Variants in EXOC2 observed in about 807,000 individuals in gnomAD.
EXOC2 encodes the protein exocyst complex component 2.
Under a neutral mutation model 131.8 loss-of-function variants are expected in EXOC2, and 70 were observed. That is an observed-to-expected ratio of 0.53 (90% CI 0.44 to 0.65). The LOEUF (loss-of-function observed/expected upper bound fraction) is 0.65. Among genes scored for constraint, EXOC2 ranks in the 30% least tolerant of loss-of-function variants. The probability of loss-of-function intolerance (pLI) is 0.00; values close to 1 mark genes in which losing one functional copy is unlikely to be tolerated. For synonymous variants in EXOC2, 411 were observed against 398.4 expected (o/e 1.03, Z -0.38); for missense variants, 923 against 1,108.6 (o/e 0.83, Z 2.38).
intron 2 of EXOC2, among the ~76,000 whole-genome samples, chr6:634,621 T>C (rs1379966543): frequency 3.3e-5 from 5 of 152,240 alleles, no homozygotes; most frequent in African/African-American, 4.8e-5. Context: ...TAAAGATACA[T>C]TGCTTGAAAT....
chr6:632,793 C>A, intron 3 of EXOC2, 148 bp downstream of exon 3: 1 of 791,880 alleles, frequency 1.3e-6, no homozygotes. Context: ...TATTAACCAA[C>A]ATCCCAATCC....
intron 23 of EXOC2, among the ~76,000 whole-genome samples, chr6:511,870 C>G (rs779442490): frequency 6.6e-6 from 1 of 152,214 alleles, no homozygotes; most frequent in African/African-American, 2.4e-5. Context: ...TCTGTTCTCC[C>G]GTCTTCAGTA....
Position 532,939 on chromosome 6 carries a change from G to A in EXOC2, c.2239-329C>T, listed in dbSNP as rs2127541404. Among the ~76,000 whole-genome samples the A allele has an allele frequency of 2.0e-5, 3 of 152,266 alleles. No individual in the cohort carries two copies. The South Asian group carries it at 6.2e-4, about 32-fold the overall frequency. On this transcript the variant is annotated intron_variant, in intron 22 of 27. Transcript: ENST00000230449. ...TTATGCATGGCTGGGGAGCCCTCAG[G>A]AAACTTACAGTCTTGGTGGAAGGCA...
At chr6:692,827 G>GCGGGGATGGGGGCT (rs1765005738) in intron 1 of EXOC2, among the ~76,000 whole-genome samples, 192 bp downstream of exon 1, 19 of 144,858 alleles carry the variant, frequency 1.3e-4, no homozygotes, top group Non-Finnish European at 1.4e-4. Flanking sequence ...GGCGGCTGAC[G>GCGGGGATGGGGGCT]GCGGGGATGG....
intron 12 of EXOC2, among the ~76,000 whole-genome samples, chr6:575,315 T>A (rs939856311): frequency 6.6e-6 from 1 of 152,248 alleles, no homozygotes; most frequent in African/African-American, 2.4e-5. Flanking sequence ...TATTTTGTTT[T>A]CACACTGAAA....
At chr6:690,407 G>A (rs756106040) in intron 1 of EXOC2, among the ~76,000 whole-genome samples, 5 of 152,108 alleles carry the variant, frequency 3.3e-5, no homozygotes, top group South Asian at 4.1e-4. Flanking sequence ...GTCACCCATC[G>A]CTTTAAGATT....
Position 564,592 on chromosome 6 carries a change from C to T in EXOC2, c.1620G>A (p.Lys540=). The change falls in exon 15 of 28, where the codon AAG becomes AAA. Residue 540 remains lysine (K), a synonymous_variant. Transcript: ENST00000230449. Reference sequence around the variant, plus strand: ...CGAGCCACTGTCCGGAGAGCTCGCACTTCACCTCCCAGCCTCCGTACTGCT... The same window carrying T: ...CGAGCCACTGTCCGGAGAGCTCGCATTTCACCTCCCAGCCTCCGTACTGCT... The part of the protein sequence containing the change: ...EAKQYGGWEV[K]CELSGQWLAH... 1 of 1,614,212 alleles carries T rather than the reference C, an allele frequency of 6.2e-7. No individual in the cohort carries two copies. The highest frequency in any genetic ancestry group is 1.7e-4 in the Middle Eastern group (1 of 6,050).
intron 1 of EXOC2, among the ~76,000 whole-genome samples, chr6:663,201 T>C (rs753056747): frequency 6.6e-6 from 1 of 152,104 alleles, no homozygotes; most frequent in East Asian, 1.9e-4. Flanking sequence ...CTAGAAGAGA[T>C]GGATAAATTC....
rs373868934 is a variant in EXOC2 at position 658,645 on chromosome 6, T to TTATA, written c.-43-20788_-43-20785dup. Among the ~76,000 whole-genome samples the TTATA allele has an allele frequency of 4.4e-3, 517 of 118,316 alleles. 4 individuals carry two copies. Among genetic ancestry groups the TTATA allele is most frequent in the African/African-American group, 8.1e-3 (260 of 32,138 alleles). The allele number at this position is 118,316 out of a possible 152,430, so 77.6% of individuals were successfully genotyped here. ...GATATTTAAAATATATATATATATT[T>TTATA]TATATATATATATATATATATTTTT... On this transcript the variant is annotated intron_variant, in intron 1 of 27. Coordinates refer to ENST00000230449, the MANE Select transcript of EXOC2 (RefSeq NM_018303.6).
intron 23 of EXOC2, among the ~76,000 whole-genome samples, chr6:530,269 A>G (rs773631750): frequency 3.3e-5 from 5 of 152,230 alleles, no homozygotes; most frequent in Non-Finnish European, 5.9e-5. Context: ...GAAGAGAAGG[A>G]GCAACTGGCA....
chr6:679,314 G>A (rs1042653784), intron 1 of EXOC2: 1 of 152,104 alleles, frequency 6.6e-6, no homozygotes, highest in Non-Finnish European at 1.5e-5. Context: ...TAAGCTTACA[G>A]TTCACAAGAG....
rs572626083 is a variant in EXOC2 at position 609,188 on chromosome 6, C to T, written c.742+910G>A. ...GTGAAAAGATATTCACATACAGGCT[C>T]AGAACGTTCCACCCACGGGACTCAC... On this transcript the variant is annotated intron_variant, in intron 7 of 27. Coordinates refer to ENST00000230449, the MANE Select transcript of EXOC2 (RefSeq NM_018303.6). Among the ~76,000 whole-genome samples the T allele has an allele frequency of 3.3e-5, 5 of 152,330 alleles. No homozygotes were observed. The South Asian group carries it at 8.3e-4, about 25-fold the overall frequency.
rs144999590 is a variant in EXOC2, at chr6:633,019, C to T, written c.217G>A (p.Asp73Asn). The T allele has an allele frequency of 2.5e-6, 4 of 1,614,020 alleles. No homozygotes were observed. The highest frequency in any genetic ancestry group is 3.4e-6 in the Non-Finnish European group (4 of 1,180,020). Residue 73 changes from aspartate (D) to asparagine (N), a missense_variant, in exon 3 of 28, where the codon GAC becomes AAC. Physicochemically the swap from Asp to Asn is conservative, Grantham distance 23. Coordinates refer to ENST00000230449, the MANE Select transcript of EXOC2 (RefSeq NM_018303.6). ...RVGQAKNDKG[D>N]IIVTTKSGGR... The stretch of plus-strand genomic sequence containing the variant: ...CCTGACTTAGTGGTGACAATAATGT[C>T]TCCTTTGTCATTTTTGGCTTGTCCC...
At chr6:685,046 C>T (rs1415860226) in intron 1 of EXOC2, among the ~76,000 whole-genome samples, 1 of 152,068 alleles carries the variant, frequency 6.6e-6, no homozygotes, top group Non-Finnish European at 1.5e-5. Flanking sequence ...CAACAGGCCA[C>T]GGAAGGCCTC....
At chr6:678,760 G>GCA (rs1312857852) in intron 1 of EXOC2, among the ~76,000 whole-genome samples, 1 of 152,138 alleles carries the variant, frequency 6.6e-6, no homozygotes, top group African/African-American at 2.4e-5. Flanking sequence ...ATAACACGGT[G>GCA]GGAAAATTCC....
chr6:560,773 T>A (rs1008071068), intron 17 of EXOC2, among the ~76,000 whole-genome samples: 7 of 151,862 alleles, frequency 4.6e-5, no homozygotes, highest in Non-Finnish European at 7.4e-5. Context: ...AATGGCGCGG[T>A]CTCGGCTCAC....
At chr6:589,156 G>A (rs1474793375) in intron 11 of EXOC2, among the ~76,000 whole-genome samples, 2 of 152,234 alleles carry the variant, frequency 1.3e-5, no homozygotes, top group Admixed American at 6.5e-5. Context: ...TGTATCCAGT[G>A]AATATGGTGA....
Position 630,853 on chromosome 6 carries a change from G to T in EXOC2, c.296-892C>A, listed in dbSNP as rs562186001. On this transcript the variant is annotated intron_variant, in intron 3 of 27. Coordinates refer to ENST00000230449, the MANE Select transcript of EXOC2 (RefSeq NM_018303.6). ...TTAAATCAAACACCTTTCAAGGAAC[G>T]CATGGCTTGTATAATGGAAATAACC... Among the ~76,000 whole-genome samples, 3 of 152,184 alleles carry T rather than the reference G, an allele frequency of 2.0e-5. No individual in the cohort carries two copies. The South Asian group carries it at 6.2e-4, about 32-fold the overall frequency.
intron 4 of EXOC2, among the ~76,000 whole-genome samples, chr6:627,897 A>G (rs1761660235): frequency 2.0e-5 from 3 of 152,242 alleles, no homozygotes; most frequent in African/African-American, 7.2e-5. Context: ...AAATCTGTTA[A>G]TTTTATTCCC....
Sources: allele counts gnomAD v4.1 joint callset (sites outside exome capture counted in the v4.1 genomes callset), GRCh38; gene constraint gnomAD v4.1.1; transcripts MANE v1.5; gene names NCBI Gene and HGNC (gene_info 2026-07-23, HGNC 2026-07-21).